The following TTN variants were observed in gnomAD, a reference collection of about 807,000 sequenced individuals.
TTN encodes the protein titin.
TTN carries 1,525 observed loss-of-function variants against 3,223.0 expected under a neutral mutation model. That is an observed-to-expected ratio of 0.47 (90% CI 0.45 to 0.49). The LOEUF (loss-of-function observed/expected upper bound fraction) is 0.49, where lower values mean the gene tolerates loss of function less well. Ranked by LOEUF, TTN falls within the 20% of genes least tolerant of loss-of-function variation. TTN has a pLI of 0.00. For missense variants in TTN, 40,786 were observed against 43,424.0 expected, an observed-to-expected ratio of 0.94 and a Z score of 5.40; for synonymous variants, 14,094 against 15,161.0, an observed-to-expected ratio of 0.93 and a Z score of 5.17.
intron 242 of TTN, 148 bp from the exon 243 acceptor site, chr2:178,622,915 C>A: frequency 1.5e-6 from 1 of 677,244 alleles, no homozygotes; most frequent in South Asian, 1.7e-5. Flanking sequence ...CTTGAAGCTG[C>A]CCATCAGGTA....
At position 178,701,938 on chromosome 2, in the gene TTN, A is replaced by C; in HGVS notation, c.30538+102T>G. The C allele has an allele frequency of 4.2e-6, 5 of 1,185,616 alleles. No homozygotes were observed. In the South Asian group the frequency reaches 5.7e-5, roughly 14 times the overall value. The allele number at this position is 1,185,616 out of a possible 1,614,324, so 73.4% of individuals were successfully genotyped here. On this transcript the variant is annotated intron_variant, in intron 109 of 362. Transcript: ENST00000589042. ...AGTTTTATTGAAAAATATTTTACCC[A>C]AAAGAGAAAGATATCTTATACATTT...
intron 218 of TTN, among the ~76,000 whole-genome samples, chr2:178,644,048 G>A (rs1047240178): frequency 4.0e-5 from 6 of 151,800 alleles, no homozygotes; most frequent in African/African-American, 1.2e-4. Flanking sequence ...TGTGAGTTCC[G>A]TACCCCTCAG....
rs779537238 is a variant in TTN at position 178,536,987 on chromosome 2, G to A, written c.100122C>T (p.Ile33374=). 15 of 1,613,350 alleles carry A rather than the reference G, an allele frequency of 9.3e-6. No homozygotes were observed. Among genetic ancestry groups the A allele is most frequent in the Non-Finnish European group, 1.3e-5 (15 of 1,179,584 alleles). The part of the protein sequence containing the change: ...FRVSAQNTFG[I]SDPLEVSSVV... Reference sequence around the variant, plus strand: ...CTGAGGACACTTCTAGAGGGTCACTGATGCCGAAAGTGTTCTGAGCTGAAA... The same window carrying A: ...CTGAGGACACTTCTAGAGGGTCACTAATGCCGAAAGTGTTCTGAGCTGAAA... Residue 33374 remains isoleucine, a synonymous_variant, in exon 356 of 363, where the codon ATC becomes ATT. Coordinates refer to ENST00000589042, the MANE Select transcript of TTN (RefSeq NM_001267550.2).
At position 178,653,427 on chromosome 2, in the gene TTN, C is replaced by A; in HGVS notation, c.38707G>T (p.Val12903Leu). 1 of 1,588,450 alleles carries A rather than the reference C, an allele frequency of 6.3e-7. No individual in the cohort carries two copies. Among genetic ancestry groups the A allele is most frequent in the Non-Finnish European group, 8.5e-7 (1 of 1,173,530 alleles). ...PKKPEVPPVT[V>L]PEAPKEVVLE... ...AAGCTTAAGGTCAAATGACAAGTAC[C>A]TGTAACAGGTGGAACTTCTGGCTTT... is the stretch of plus-strand genomic sequence containing the variant. Residue 12903 changes from valine to leucine, a missense_variant and splice_region_variant, in exon 197 of 363, where the codon GTG (valine) becomes TTG (leucine). By Grantham distance (32) the Val-to-Leu change is conservative. Transcript: ENST00000589042.
chr2:178,733,512 C>A lies in TTN; in HGVS notation c.15781G>T (p.Ala5261Ser). 1 of 1,609,736 alleles carries A rather than the reference C, an allele frequency of 6.2e-7. No individual in the cohort carries two copies. Among genetic ancestry groups the A allele is most frequent in the Non-Finnish European group, 8.5e-7 (1 of 1,177,064 alleles). ...AGTTCTGCTCGCTCAATGATTTTGG[C>A]AGGTTCTACAATGGTATGAAATAGT... ...SVGELIVKEP[A>S]KIIERAELIQ... is the part of the protein sequence containing the mutation. Residue 5261 changes from alanine (A) to serine (S), a missense_variant, in exon 54 of 363, where the codon GCC becomes TCC. Physicochemically the swap from Ala to Ser is moderately conservative, Grantham distance 99. Coordinates refer to ENST00000589042, the MANE Select transcript of TTN (RefSeq NM_001267550.2).
chr2:178,693,556 A>C (rs1256717109), intron 119 of TTN, 53 bp downstream of exon 119: 2 of 1,270,448 alleles, frequency 1.6e-6, no homozygotes, highest in African/African-American at 1.5e-5. Context: ...TTACTATGGT[A>C]TTTGTACTAA....
chr2:178,655,205 C>G (rs1449546924), intron 189 of TTN, among the ~76,000 whole-genome samples: 1 of 137,738 alleles, frequency 7.3e-6, no homozygotes, highest in East Asian at 2.0e-4. Context: ...TCAATAGATG[C>G]AGAAAGGGCC....
intron 43 of TTN, among the ~76,000 whole-genome samples, chr2:178,760,514 C>A (rs927111438): frequency 3.3e-5 from 5 of 152,162 alleles, no homozygotes; most frequent in African/African-American, 1.2e-4. Context: ...AAGACTCCAT[C>A]AAAATATATA....
chr2:178,685,545 T>C lies in TTN; in HGVS notation c.32365A>G (p.Lys10789Glu). Residue 10789 changes from lysine (K) to glutamate (E), a missense_variant, in exon 128 of 363, where the codon AAG becomes GAG. By Grantham distance (56) the Lys-to-Glu change is moderately conservative (BLOSUM62 1). Transcript: ENST00000589042. ...VVEEKLHIIS[K>E]RVEAEPAEVT... ...TCAGCTGGCTCAGCTTCCACTCTCT[T>C]AGAAATAATGTGCAGCTTTTCTTCC... The C allele has an allele frequency of 6.2e-7, 1 of 1,613,590 alleles. No individual in the cohort carries two copies. The highest frequency in any genetic ancestry group is 8.5e-7 in the Non-Finnish European group (1 of 1,179,742).
In TTN at chr2:178,588,660, C is replaced by T. The variant is rs727503585; in HGVS notation, c.63065G>A (p.Arg21022His). 58 of 1,611,144 alleles carry T rather than the reference C, an allele frequency of 3.6e-5. No individual in the cohort carries two copies. In the Admixed American group the frequency reaches 5.2e-4, roughly 14 times the overall value. Reference sequence around the variant, plus strand: ...TGGGAGGAGATTCTGTACTTTCATACGTCTCTCAGGGATTGCACTCTTGTT... The same window carrying T: ...TGGGAGGAGATTCTGTACTTTCATATGTCTCTCAGGGATTGCACTCTTGTT... ...PVNKSAIPER[R>H]MKVQNLLPDH... The change falls in exon 304 of 363, where the codon CGT (arginine) becomes CAT (histidine). Residue 21022 changes from arginine (R) to histidine (H), a missense_variant. Arg to His is a conservative substitution (Grantham distance 29). Transcript: ENST00000589042.
chr2:178,722,103 C>A lies in TTN; in HGVS notation c.22560G>T (p.Lys7520Asn). Residue 7520 changes from lysine to asparagine, a missense_variant, in exon 78 of 363, where the codon AAG (lysine) becomes AAT (asparagine). Physicochemically the swap from Lys to Asn is moderately conservative, Grantham distance 94. Transcript: ENST00000589042. ...CAGCAATAACATCTATAGATACAGG[C>A]TTGATGTCAAAGAAGGGAGATTTCT... ...EPKKSPFFDI[K>N]PVSIDVIAGE... 1 of 1,580,458 alleles carries A rather than the reference C, an allele frequency of 6.3e-7. No homozygotes were observed. Among genetic ancestry groups the A allele is most frequent in the Non-Finnish European group, 8.6e-7 (1 of 1,163,748 alleles).
chr2:178,793,570 A>C lies in TTN; in HGVS notation c.1399-29T>G, dbSNP rs1397514615. ...CTTTTCATAGAGAAAGGAAGAAAAC[A>C]CCTTAATGCATCTTACATAAAAATT... On this transcript the variant is annotated intron_variant, in intron 8 of 362. Transcript: ENST00000589042. 2.5e-6 allele frequency: 4 copies of C among 1,611,750 alleles called. No individual in the cohort carries two copies. The Admixed American group carries it at 6.7e-5, about 27-fold the overall frequency.
Position 178,725,781 on chromosome 2 carries a change from A to C in TTN, c.20541T>G (p.Thr6847=), listed in dbSNP as rs746742715. 6.3e-7 allele frequency: 1 copy of C among 1,591,102 alleles called. No individual in the cohort carries two copies. Among genetic ancestry groups the C allele is most frequent in the South Asian group, 1.1e-5 (1 of 87,404 alleles). Residue 6847 remains threonine (T), a synonymous_variant, in exon 70 of 363, where the codon ACT becomes ACG. Transcript: ENST00000589042. The part of the protein sequence containing the change: ...NEVGSDTCVC[T]VKLKEPPRFV... ...AACTATATTTACCTTTCAATTTTACAGTACAAACACAAGTATCACTTCCCA... is the reference window on the plus strand; with the variant it reads ...AACTATATTTACCTTTCAATTTTACCGTACAAACACAAGTATCACTTCCCA...
chr2:178,700,250 GT>G (rs988754497), intron 111 of TTN, among the ~76,000 whole-genome samples: 1 of 152,160 alleles, frequency 6.6e-6, no homozygotes, highest in African/African-American at 2.4e-5. Flanking sequence ...GCTTCTCTTT[GT>G]TAATGAGGTT....
rs1274174149 is a variant in TTN, at chr2:178,730,315, C to T, written c.18085G>A (p.Val6029Ile). 6.2e-7 allele frequency: 1 copy of T among 1,611,370 alleles called. No homozygotes were observed. The highest frequency in any genetic ancestry group is 8.5e-7 in the Non-Finnish European group (1 of 1,178,708). Residue 6029 changes from valine to isoleucine, a missense_variant, in exon 62 of 363, where the codon GTA (valine) becomes ATA (isoleucine). By Grantham distance (29) the Val-to-Ile change is conservative. Transcript: ENST00000589042. ...QSQDVNPNTR[V>I]QLKALVGGTA... ...CCACCCACAAGAGCCTTTAACTGTA[C>T]CCTTGTGTTGGGATTGACATCTTGT... is the stretch of plus-strand genomic sequence containing the variant.
chr2:178,786,616 T>A (rs2093202963), intron 13 of TTN, among the ~76,000 whole-genome samples: 1 of 152,190 alleles, frequency 6.6e-6, no homozygotes, highest in South Asian at 2.1e-4. Flanking sequence ...AATCAGTGAC[T>A]ACAGAGTTAT....
In TTN at chr2:178,711,997, T is replaced by A; in HGVS notation, c.27833A>T (p.Lys9278Ile). Reference protein sequence around the residue: ...DINDSGEYICKAENSVGEVSA... With the variant: ...DINDSGEYICIAENSVGEVSA... ...AACTTCTCCCACGCTGTTTTCAGCT[T>A]TGCAGATATATTCTCCACTATCATT... is the stretch of plus-strand genomic sequence containing the variant. Residue 9278 changes from lysine (K) to isoleucine (I), a missense_variant, in exon 96 of 363, where the codon AAA becomes ATA. Transcript: ENST00000589042. The A allele has an allele frequency of 6.2e-7, 1 of 1,612,904 alleles. No individual in the cohort carries two copies. The highest frequency in any genetic ancestry group is 8.5e-7 in the Non-Finnish European group (1 of 1,179,154).
chr2:178,778,629 A>T (rs1162362365), intron 24 of TTN: 2 of 529,202 alleles, frequency 3.8e-6, no homozygotes, highest in Admixed American at 6.3e-5. Context: ...GTGTCAAATA[A>T]GAGCTATTGT....
chr2:178,719,894 A>G, intron 81 of TTN, 62 bp from the exon 82 acceptor site: 2 of 1,550,770 alleles, frequency 1.3e-6, no homozygotes, highest in Non-Finnish European at 1.7e-6. Context: ...GAGTGCAATC[A>G]CTGAATTACT....
Sources: gnomAD v4.1 joint callset for allele counts (sites outside exome capture counted in the v4.1 genomes callset) on GRCh38, gnomAD v4.1.1 for gene constraint, MANE v1.5 for transcripts, NCBI Gene and HGNC (gene_info 2026-07-23, HGNC 2026-07-21) for gene names.